The following SLC7A11 variants were observed in gnomAD, a reference collection of about 807,000 sequenced individuals.
SLC7A11 encodes the protein solute carrier family 7 member 11.
Under a neutral mutation model 54.5 loss-of-function variants are expected in SLC7A11, and 35 were observed. That is an observed-to-expected ratio of 0.64 (90% CI 0.49 to 0.85). The LOEUF is 0.85. SLC7A11 is among the 40% of genes least tolerant of loss of function. The probability of loss-of-function intolerance (pLI) is 0.00; values close to 1 mark genes in which losing one functional copy is unlikely to be tolerated. For missense variants in SLC7A11, 583 were observed against 618.1 expected (o/e 0.94, Z 0.60); for synonymous variants, 230 against 225.2 (o/e 1.02, Z -0.19).
chr4:138,215,280 A>C (rs1737653871), intron 5 of SLC7A11, among the ~76,000 whole-genome samples: 1 of 152,170 alleles, frequency 6.6e-6, no homozygotes, highest in Non-Finnish European at 1.5e-5. Context: ...CCATTATCTT[A>C]TTATTATTAA....
In SLC7A11 at chr4:138,166,433, T is replaced by C. The variant is rs555839005; in HGVS notation, c.*5523A>G. 6.6e-6 allele frequency: 1 copy of C among 152,616 alleles called. No individual in the cohort carries two copies. The highest frequency in any genetic ancestry group is 1.9e-4 in the East Asian group (1 of 5,184). 9.5% of individuals were successfully genotyped at this position (152,616 alleles called of 1,614,324 possible). On this transcript the variant is annotated 3_prime_UTR_variant, in exon 12 of 12. Coordinates refer to ENST00000280612, the MANE Select transcript of SLC7A11 (RefSeq NM_014331.4). Reference sequence around the variant, plus strand: ...AGATACCTGTGCATTACTCTTTTTTTCCCCTCTGGCTTTCAGCACGGCCTT... The same window carrying C: ...AGATACCTGTGCATTACTCTTTTTTCCCCCTCTGGCTTTCAGCACGGCCTT...
intron 7 of SLC7A11, among the ~76,000 whole-genome samples, chr4:138,184,705 CT>C (rs1310806275): frequency 6.6e-6 from 1 of 152,040 alleles, no homozygotes; most frequent in Non-Finnish European, 1.5e-5. Flanking sequence ...CATCAAAATT[CT>C]TAAGTGACAC....
At chr4:138,212,829 A>G (rs897634088) in intron 6 of SLC7A11, among the ~76,000 whole-genome samples, 2 of 151,958 alleles carry the variant, frequency 1.3e-5, no homozygotes, top group African/African-American at 4.8e-5. Context: ...TCATATAATA[A>G]ATGTTATGTT....
chr4:138,207,132 G>T (rs925530285), intron 6 of SLC7A11, among the ~76,000 whole-genome samples: 1 of 151,424 alleles, frequency 6.6e-6, no homozygotes, highest in African/African-American at 2.4e-5. Context: ...GCCTCATTTT[G>T]CCACAGGGAA....
chr4:138,183,774 T>C lies in SLC7A11; in HGVS notation c.916-469A>G, dbSNP rs146494845. On this transcript the variant is annotated intron_variant, in intron 7 of 11. Coordinates refer to ENST00000280612, the MANE Select transcript of SLC7A11 (RefSeq NM_014331.4). The stretch of plus-strand genomic sequence containing the variant: ...TCCCATTCTTAGGAGGTAAATAAAA[T>C]AATTGATGACTTAATAATTTATAGC... Among the ~76,000 whole-genome samples the C allele has an allele frequency of 7.3e-3, 1,111 of 152,232 alleles. 9 individuals carry two copies. Among genetic ancestry groups the C allele is most frequent in the South Asian group, 0.018 (88 of 4,828 alleles).
chr4:138,236,654 A>T (rs1394329496), intron 1 of SLC7A11, among the ~76,000 whole-genome samples: 5 of 152,192 alleles, frequency 3.3e-5, no homozygotes, highest in African/African-American at 1.2e-4. Context: ...CACAGTTGAG[A>T]TTTAGTGTAT....
chr4:138,179,695 CTAGT>C (rs896612110), intron 10 of SLC7A11, among the ~76,000 whole-genome samples: 1 of 152,118 alleles, frequency 6.6e-6, no homozygotes, highest in African/African-American at 2.4e-5. Flanking sequence ...AATTATTTTA[CTAGT>C]TAAATGCCAT....
chr4:138,231,549 A>T (rs1393020587), intron 3 of SLC7A11, among the ~76,000 whole-genome samples: 1 of 152,154 alleles, frequency 6.6e-6, no homozygotes, highest in African/African-American at 2.4e-5. Flanking sequence ...AGTGATTCAA[A>T]TGGCACCTAG....
chr4:138,225,577 A>T (rs868023385), intron 3 of SLC7A11, among the ~76,000 whole-genome samples: 25 of 152,230 alleles, frequency 1.6e-4, no homozygotes, highest in Middle Eastern at 3.4e-3. Context: ...GCACTTATAT[A>T]TGGAAAATAA....
At chr4:138,215,154 A>T (rs1374205589) in intron 5 of SLC7A11, among the ~76,000 whole-genome samples, 1 of 152,178 alleles carries the variant, frequency 6.6e-6, no homozygotes, top group African/African-American at 2.4e-5. Flanking sequence ...AGTGTGACAG[A>T]GGGATTACTA....
intron 6 of SLC7A11, among the ~76,000 whole-genome samples, chr4:138,195,540 G>C (rs760009765): frequency 1.1e-4 from 16 of 151,584 alleles, no homozygotes; most frequent in South Asian, 2.1e-4. Flanking sequence ...CCTCTCCCTG[G>C]CATGCTGCTC....
intron 6 of SLC7A11, among the ~76,000 whole-genome samples, chr4:138,206,498 C>T (rs1032840049): frequency 2.0e-5 from 3 of 150,974 alleles, no homozygotes; most frequent in South Asian, 4.2e-4. Context: ...AGTAAAGCAT[C>T]GCCCTTCAAA....
intron 2 of SLC7A11, among the ~76,000 whole-genome samples, chr4:138,234,563 GT>G (rs201224066): frequency 1.3e-4 from 19 of 148,542 alleles, no homozygotes; most frequent in Admixed American, 1.3e-4. Context: ...GAGAAAAGTA[GT>G]TTTTTTTTTT....
At chr4:138,232,158 G>C in intron 3 of SLC7A11, 109 bp downstream of exon 3, 1 of 775,238 alleles carries the variant, frequency 1.3e-6, no homozygotes, top group Non-Finnish European at 2.3e-6. Flanking sequence ...TAAGCAAAAA[G>C]AACATGATGT....
chr4:138,239,727 C>T (rs1261925027), intron 1 of SLC7A11, among the ~76,000 whole-genome samples: 1 of 152,112 alleles, frequency 6.6e-6, no homozygotes, highest in Non-Finnish European at 1.5e-5. Context: ...TATGCATAAG[C>T]ATATTTTCAT....
At chr4:138,199,709 C>T (rs1737231034) in intron 6 of SLC7A11, among the ~76,000 whole-genome samples, 2 of 152,090 alleles carry the variant, frequency 1.3e-5, no homozygotes, top group African/African-American at 4.8e-5. Context: ...AATACCTGCC[C>T]TGCCTAGTCA....
At position 138,164,785 on chromosome 4, in the gene SLC7A11, G is replaced by GTTCT. The variant is rs1274192185; in HGVS notation, c.*7167_*7170dup. Reference sequence around the variant, plus strand: ...CACTCTTTTTCAGCTGGATCTCTCTGTTCTTGTGTTTTCAATCACTAGACC... The same window carrying GTTCT: ...CACTCTTTTTCAGCTGGATCTCTCTGTTCTTTCTTGTGTTTTCAATCACTAGACC... On this transcript the variant is annotated 3_prime_UTR_variant, in exon 12 of 12. Transcript: ENST00000280612. The GTTCT allele has an allele frequency of 1.3e-5, 2 of 152,056 alleles. No individual in the cohort carries two copies. The highest frequency in any genetic ancestry group is 2.9e-5 in the Non-Finnish European group (2 of 67,980). 9.4% of individuals were successfully genotyped at this position (152,056 alleles called of 1,614,324 possible).
rs535758247 is a variant in SLC7A11 at position 138,242,176 on chromosome 4, G to C, written c.-107C>G. 4 of 1,279,578 alleles carry C rather than the reference G, an allele frequency of 3.1e-6. No individual in the cohort carries two copies. The highest frequency in any genetic ancestry group is 1.5e-5 in the African/African-American group (1 of 67,456). 79.3% of individuals were successfully genotyped at this position (1,279,578 alleles called of 1,614,324 possible). A position where few individuals can be genotyped will look rare whatever the true frequency, so the allele number is the denominator to read the frequency against. Reference sequence around the variant, plus strand: ...CGATGTCTTCCTCTGCTTTCAGACTGTCTCTCTCAGCGCTATAGTGTTCAC... The same window carrying C: ...CGATGTCTTCCTCTGCTTTCAGACTCTCTCTCTCAGCGCTATAGTGTTCAC... On this transcript the variant is annotated 5_prime_UTR_variant, in exon 1 of 12. Transcript: ENST00000280612.
intron 6 of SLC7A11, among the ~76,000 whole-genome samples, chr4:138,212,127 T>C (rs985306683): frequency 4.6e-5 from 7 of 151,890 alleles, no homozygotes; most frequent in African/African-American, 1.2e-4. Flanking sequence ...CGAGATAGCA[T>C]AGATATCCCA....
Sources: allele counts gnomAD v4.1 joint callset (sites outside exome capture counted in the v4.1 genomes callset), GRCh38; gene constraint gnomAD v4.1.1; transcripts MANE v1.5; gene names NCBI Gene and HGNC (gene_info 2026-07-23, HGNC 2026-07-21).